Variants in EVI5 observed in about 807,000 individuals in gnomAD.
EVI5 encodes the protein ecotropic viral integration site 5.
Under a neutral mutation model 112.0 loss-of-function variants are expected in EVI5, and 73 were observed. That is an observed-to-expected ratio of 0.65 (90% CI 0.54 to 0.79). EVI5 has a LOEUF of 0.79. Among genes scored for constraint, EVI5 ranks in the 30% least tolerant of loss-of-function variants. The pLI, the probability that EVI5 is intolerant of heterozygous loss-of-function variation, is 0.00. For synonymous variants in EVI5, 305 were observed against 319.9 expected, an observed-to-expected ratio of 0.95 and a Z score of 0.50; for missense variants, 900 against 968.8, an observed-to-expected ratio of 0.93 and a Z score of 0.94.
At chr1:92,761,057 CAAAAAAAAA>C (rs35833050) in intron 1 of EVI5, among the ~76,000 whole-genome samples, 1 of 106,240 alleles carries the variant, frequency 9.4e-6, no homozygotes, top group Non-Finnish European at 1.8e-5. Flanking sequence ...GGCTCCATCT[CAAAAAAAAA>C]AAAAAAAAAA....
chr1:92,551,016 CT>C (rs1176420479), intron 19 of EVI5, among the ~76,000 whole-genome samples: 1 of 121,456 alleles, frequency 8.2e-6, no homozygotes, highest in South Asian at 2.9e-4. Context: ...GCACTAATTT[CT>C]TTTTTCTTTT....
intron 16 of EVI5, among the ~76,000 whole-genome samples, chr1:92,612,186 G>A (rs1238151332): frequency 1.3e-5 from 2 of 151,550 alleles, no homozygotes; most frequent in African/African-American, 4.9e-5. Flanking sequence ...CTTTTTTCAG[G>A]TAGCAAACAT....
intron 13 of EVI5, 88 bp from the exon 14 acceptor site, chr1:92,636,424 A>G: frequency 1.8e-6 from 2 of 1,124,080 alleles, no homozygotes; most frequent in Non-Finnish European, 2.5e-6. Context: ...ATACAGTTAT[A>G]TTACATTAAG....
intron 2 of EVI5, among the ~76,000 whole-genome samples, chr1:92,705,964 T>C (rs1671892933): frequency 6.6e-6 from 1 of 152,192 alleles, no homozygotes; most frequent in African/African-American, 2.4e-5. Flanking sequence ...CAAAGTATAT[T>C]ATCAAAATGA....
intron 2 of EVI5, among the ~76,000 whole-genome samples, chr1:92,724,565 T>G (rs1009188037): frequency 6.6e-6 from 1 of 152,112 alleles, no homozygotes; most frequent in African/African-American, 2.4e-5. Flanking sequence ...TCCAACACCC[T>G]GGGAGGCCAA....
Position 92,792,372 on chromosome 1 carries a change from GCAGT to G in EVI5, c.19_22del (p.Thr7LeufsTer20). The G allele has an allele frequency of 1.2e-6, 2 of 1,610,884 alleles. No homozygotes were observed. Among genetic ancestry groups the G allele is most frequent in the Non-Finnish European group, 1.7e-6 (2 of 1,177,128 alleles). On this transcript the variant is annotated frameshift_variant, in exon 1 of 18. Transcript: ENST00000370331. LOFTEE classifies it high-confidence loss of function. ...TTTCCCACTAGGGTTTCTAAAGGCA[GCAGT>G]CATTTTGTTGGTAACCATGATAAGC...
chr1:92,658,240 C>A (rs1329496545), intron 13 of EVI5, among the ~76,000 whole-genome samples: 1 of 152,078 alleles, frequency 6.6e-6, no homozygotes, highest in African/African-American at 2.4e-5. Flanking sequence ...TTAGCCAGAG[C>A]AACCAGGAAA....
chr1:92,721,771 G>A (rs1355247102), intron 2 of EVI5, among the ~76,000 whole-genome samples: 1 of 151,892 alleles, frequency 6.6e-6, no homozygotes, highest in Non-Finnish European at 1.5e-5. Flanking sequence ...GAATTGTATG[G>A]GAATAAGCAA....
intron 19 of EVI5, among the ~76,000 whole-genome samples, chr1:92,552,711 T>G (rs1478214600): frequency 1.3e-5 from 2 of 152,204 alleles, no homozygotes; most frequent in African/African-American, 2.4e-5. Flanking sequence ...ACTCGAATTT[T>G]TTCCTAGAAA....
At chr1:92,539,356 C>T (rs972377294) in intron 19 of EVI5, among the ~76,000 whole-genome samples, 1 of 152,002 alleles carries the variant, frequency 6.6e-6, no homozygotes, top group Non-Finnish European at 1.5e-5. Flanking sequence ...TCCTGGCTAA[C>T]ACTGGTGAAA....
chr1:92,537,916 T>G (rs977107535), intron 19 of EVI5, among the ~76,000 whole-genome samples: 5 of 152,036 alleles, frequency 3.3e-5, no homozygotes, highest in Non-Finnish European at 7.4e-5. Flanking sequence ...AAATTGTAGA[T>G]TTCATGTAAA....
rs116851717 is a variant in EVI5 at position 92,669,529 on chromosome 1, C to T, written c.1159-3537G>A. Among the ~76,000 whole-genome samples the T allele has an allele frequency of 5.9e-3, 141 of 24,068 alleles. 1 individual carries two copies. In the East Asian group the frequency reaches 0.34, roughly 58 times the overall value. The allele number at this position is 24,068 out of a possible 152,430, so 15.8% of individuals were successfully genotyped here. ...TGCCACTGCACTCCGGCCTGGGCAA[C>T]GGAGCAAGGCTCTGTCTCAAAAAAA... On this transcript the variant is annotated intron_variant, in intron 10 of 19. Transcript: ENST00000684568.
intron 19 of EVI5, 30 bp downstream of exon 19, chr1:92,563,611 CA>C (rs765738165): frequency 6.1e-6 from 7 of 1,142,978 alleles, no homozygotes; most frequent in Non-Finnish European, 9.1e-6. Flanking sequence ...AGGAAGAAAG[CA>C]ATATGTGAAG....
chr1:92,634,841 G>A (rs953131042), intron 14 of EVI5, among the ~76,000 whole-genome samples: 5 of 152,158 alleles, frequency 3.3e-5, no homozygotes, highest in African/African-American at 9.7e-5. Flanking sequence ...TGGTGGTGAC[G>A]TACAGATGGG....
intron 14 of EVI5, among the ~76,000 whole-genome samples, chr1:92,628,440 T>C (rs1419344792): frequency 6.6e-6 from 1 of 152,242 alleles, no homozygotes; most frequent in Non-Finnish European, 1.5e-5. Flanking sequence ...TGTTATCTTC[T>C]AGAATTTTTA....
chr1:92,621,104 T>C (rs757287954), intron 16 of EVI5, among the ~76,000 whole-genome samples: 11 of 151,546 alleles, frequency 7.3e-5, no homozygotes, highest in Non-Finnish European at 1.5e-4. Context: ...GATGTATAAA[T>C]AAATAAGTCA....
chr1:92,669,230 G>A (rs1665427515), intron 10 of EVI5, among the ~76,000 whole-genome samples: 1 of 151,824 alleles, frequency 6.6e-6, no homozygotes, highest in African/African-American at 2.4e-5. Context: ...TATTGCCCTG[G>A]AATTTTACAA....
chr1:92,763,227 C>T (rs1392847561), intron 1 of EVI5, among the ~76,000 whole-genome samples: 1 of 152,026 alleles, frequency 6.6e-6, no homozygotes, highest in African/African-American at 2.4e-5. Context: ...CATGATCACA[C>T]CACTGCACTT....
Position 92,581,030 on chromosome 1 carries a change from TAATA to T in EVI5, c.2071-17297_2071-17294del, listed in dbSNP as rs543014313. 2.0e-5 allele frequency among the ~76,000 whole-genome samples: 3 copies of T among 152,328 alleles called. No homozygotes were observed. In the South Asian group the frequency reaches 6.2e-4, roughly 32 times the overall value. On this transcript the variant is annotated intron_variant, in intron 18 of 19. Transcript: ENST00000684568. ...CTGCTAAATAATAATCAATAATAAT[TAATA>T]AATAATATAAACTAAATTGTTGTGC...
Sources: allele counts gnomAD v4.1 joint callset (sites outside exome capture counted in the v4.1 genomes callset), GRCh38; gene constraint gnomAD v4.1.1; transcripts MANE v1.5; gene names NCBI Gene and HGNC (gene_info 2026-07-23, HGNC 2026-07-21).